CFAP52: variants seen among roughly 807,000 people sequenced by gnomAD.
CFAP52 encodes cilia and flagella associated protein 52.
CFAP52 carries 57 observed loss-of-function variants against 70.5 expected under a neutral mutation model. That is an observed-to-expected ratio of 0.81 (90% CI 0.65 to 1.01). The LOEUF is 1.01. Ranked by LOEUF, CFAP52 falls within the 50% of genes least tolerant of loss-of-function variation. The pLI is 0.00. For missense variants in CFAP52, 785 were observed against 788.5 expected (o/e 1.00, Z 0.05); for synonymous variants, 267 against 292.5 (o/e 0.91, Z 0.89).
At chr17:9,605,241 A>C (rs569136981) in intron 6 of CFAP52, among the ~76,000 whole-genome samples, 1 of 152,332 alleles carries the variant, frequency 6.6e-6, no homozygotes, top group East Asian at 1.9e-4. Context: ...ATACATCCAA[A>C]CAATGGCATA....
chr17:9,608,129 C>A lies in CFAP52; in HGVS notation c.764C>A (p.Ala255Asp). The A allele has an allele frequency of 6.2e-7, 1 of 1,612,034 alleles. No individual in the cohort carries two copies. The highest frequency in any genetic ancestry group is 1.1e-5 in the South Asian group (1 of 90,780). Residue 255 changes from alanine (A) to aspartate (D), a missense_variant, in exon 7 of 14, where the codon GCT becomes GAT. Ala to Asp is a moderately radical substitution (Grantham distance 126). Transcript: ENST00000352665. Reference sequence around the variant, plus strand: ...AGTTTTTCCCCCTAGGGAGTGTCAGCTATCAGGTGCCTGAAGATGGGGGGT... The same window carrying A: ...AGTTTTTCCCCCTAGGGAGTGTCAGATATCAGGTGCCTGAAGATGGGGGGT... Reference protein sequence around the residue: ...AKDKFSLGVSAIRCLKMGGLL... With the variant: ...AKDKFSLGVSDIRCLKMGGLL...
rs1306782584 is a variant in CFAP52 at position 9,621,829 on chromosome 17, G to T, written c.1026-6843G>T. Among the ~76,000 whole-genome samples the T allele has an allele frequency of 2.2e-5, 3 of 135,704 alleles. No homozygotes were observed. In the South Asian group the frequency reaches 8.0e-4, roughly 36 times the overall value. The allele number at this position is 135,704 out of a possible 152,430, so 89.0% of individuals were successfully genotyped here. A position where few individuals can be genotyped will look rare whatever the true frequency, so the allele number is the denominator to read the frequency against. On this transcript the variant is annotated intron_variant, in intron 8 of 13. Coordinates refer to ENST00000352665, the MANE Select transcript of CFAP52 (RefSeq NM_145054.5). ...TGAGATCACATGGACACAGGAAGGG[G>T]AATATCACACTCTGGGGACTGTGGT...
intron 3 of CFAP52, among the ~76,000 whole-genome samples, chr17:9,591,598 C>CG (rs1908765466): frequency 6.6e-6 from 1 of 152,096 alleles, no homozygotes; most frequent in Non-Finnish European, 1.5e-5. Flanking sequence ...TGTGTTTGTG[C>CG]GGGGTGCAGT....
intron 1 of CFAP52, among the ~76,000 whole-genome samples, chr17:9,580,090 T>TA (rs1354329558): frequency 2.6e-5 from 4 of 152,180 alleles, no homozygotes; most frequent in Non-Finnish European, 5.9e-5. Context: ...TCTTGTAAAC[T>TA]AAAAACAGCA....
At chr17:9,636,179 A>AAAAAAAG (rs1910772778) in intron 11 of CFAP52, among the ~76,000 whole-genome samples, 1 of 99,122 alleles carries the variant, frequency 1.0e-5, no homozygotes, top group Non-Finnish European at 1.9e-5. Context: ...TGTCTCAAAA[A>AAAAAAAG]AAAGAAAGAA....
At chr17:9,613,209 G>A (rs945541179) in intron 8 of CFAP52, among the ~76,000 whole-genome samples, 1 of 150,856 alleles carries the variant, frequency 6.6e-6, no homozygotes, top group African/African-American at 2.4e-5. Context: ...TCATGGTGGT[G>A]GGTATTACGA....
chr17:9,645,522 T>C, downstream of CFAP52: 2 of 1,024,842 alleles, frequency 2.0e-6, no homozygotes, highest in African/African-American at 3.4e-5. This position sits in a 1 kb window ranked among gnomAD's most constrained non-coding sequence, Gnocchi z 6.8. Context: ...CCCGCACACC[T>C]GGCCCGCAGG....
chr17:9,630,766 G>A (rs1400344513), intron 9 of CFAP52, among the ~76,000 whole-genome samples: 8 of 150,496 alleles, frequency 5.3e-5, no homozygotes, highest in African/African-American at 2.0e-4. Flanking sequence ...ATGGGGTTTC[G>A]CCTGAGGTCA....
chr17:9,643,827 A>C (rs2063204488), downstream of CFAP52, among the ~76,000 whole-genome samples: 1 of 152,236 alleles, frequency 6.6e-6, no homozygotes, highest in African/African-American at 2.4e-5. Flanking sequence ...TACCAAAGAA[A>C]GATGAAATTA....
intron 8 of CFAP52, among the ~76,000 whole-genome samples, chr17:9,626,784 T>C (rs542422739): frequency 3.5e-4 from 53 of 152,202 alleles, no homozygotes; most frequent in African/African-American, 1.2e-3. Context: ...TCTAACTAAG[T>C]AGTCCATCAT....
chr17:9,627,599 T>C (rs1469032621), intron 8 of CFAP52, among the ~76,000 whole-genome samples: 4 of 152,226 alleles, frequency 2.6e-5, no homozygotes, highest in Non-Finnish European at 4.4e-5. Context: ...TCCAAGGCTG[T>C]ATTTATCTCA....
intron 3 of CFAP52, among the ~76,000 whole-genome samples, chr17:9,593,424 CTG>C (rs1319224741): frequency 1.3e-5 from 2 of 152,176 alleles, no homozygotes; most frequent in Non-Finnish European, 2.9e-5. Context: ...CTAGCAGTCT[CTG>C]TTTTAATAAT....
intron 1 of CFAP52, among the ~76,000 whole-genome samples, chr17:9,577,381 G>C (rs928033075): frequency 6.6e-6 from 1 of 152,202 alleles, no homozygotes; most frequent in African/African-American, 2.4e-5. Context: ...AAAGGGACTG[G>C]GCCGCTCCGC....
intron 6 of CFAP52, among the ~76,000 whole-genome samples, chr17:9,600,650 C>T (rs538168762): frequency 4.9e-4 from 75 of 152,198 alleles, no homozygotes; most frequent in African/African-American, 1.5e-3. Context: ...CAGCAAGCTC[C>T]GCCTCCTGGG....
intron 11 of CFAP52, among the ~76,000 whole-genome samples, chr17:9,635,960 G>A (rs1245440472): frequency 1.3e-5 from 2 of 151,920 alleles, no homozygotes. Context: ...ATCACCTGAG[G>A]TCAGGAGTTC....
chr17:9,633,118 C>T (rs1910628204), intron 10 of CFAP52, 85 bp downstream of exon 10: 1 of 1,472,856 alleles, frequency 6.8e-7, no homozygotes, highest in Admixed American at 2.2e-5. Context: ...TTTAAAAATA[C>T]ACACCTTTGC....
intron 8 of CFAP52, among the ~76,000 whole-genome samples, chr17:9,614,995 A>G (rs897574651): frequency 6.6e-6 from 1 of 152,208 alleles, no homozygotes; most frequent in Admixed American, 6.5e-5. Flanking sequence ...AATTCCTAAT[A>G]AGAAAGAAAT....
rs1262353158 is a variant in CFAP52 at position 9,612,353 on chromosome 17, GAGA to G, written c.902_904del (p.Glu301del). On this transcript the variant is annotated inframe_deletion, in exon 8 of 14. Coordinates refer to ENST00000352665, the MANE Select transcript of CFAP52 (RefSeq NM_145054.5). ...GGCATCACTTCTATCACACTTCGAG[GAGA>G]AGGACACCAGTTTCTCGTAGGAACA... is the stretch of plus-strand genomic sequence containing the variant. The G allele has an allele frequency of 1.2e-6, 2 of 1,614,182 alleles. No individual in the cohort carries two copies. The highest frequency in any genetic ancestry group is 2.2e-5 in the East Asian group (1 of 44,886).
chr17:9,622,065 T>C (rs371164640), intron 8 of CFAP52, among the ~76,000 whole-genome samples: 5 of 149,986 alleles, frequency 3.3e-5, no homozygotes, highest in African/African-American at 1.2e-4. Flanking sequence ...AATGTTTGTA[T>C]CTAATCTGCC....
Sources: allele counts gnomAD v4.1 joint callset (sites outside exome capture counted in the v4.1 genomes callset), GRCh38; gene constraint gnomAD v4.1.1; non-coding constraint Gnocchi (gnomAD v3.1); transcripts MANE v1.5; gene names NCBI Gene and HGNC (gene_info 2026-07-23, HGNC 2026-07-21).